The following SH2D4B variants were observed in gnomAD, a reference collection of about 807,000 sequenced individuals.
SH2D4B encodes the protein SH2 domain-containing protein 4B.
SH2D4B carries 45 observed loss-of-function variants against 61.5 expected under a neutral mutation model. The observed-to-expected ratio is 0.73, with a 90% CI of 0.58 to 0.94. The LOEUF (loss-of-function observed/expected upper bound fraction) is 0.94. Ranked by LOEUF, SH2D4B falls within the 40% of genes least tolerant of loss-of-function variation. The pLI is 0.00. For synonymous variants in SH2D4B, 224 were observed against 220.4 expected (o/e 1.02, Z -0.14); for missense variants, 572 against 574.2 (o/e 1.00, Z 0.04).
intron 3 of SH2D4B, among the ~76,000 whole-genome samples, chr10:80,576,599 G>C (rs1020918815): frequency 1.3e-5 from 2 of 152,160 alleles, no homozygotes; most frequent in Non-Finnish European, 2.9e-5. Flanking sequence ...TTAAGCCTAG[G>C]CTAAAACATG....
intron 1 of SH2D4B, among the ~76,000 whole-genome samples, chr10:80,555,487 C>T (rs772644619): frequency 6.6e-5 from 10 of 152,198 alleles, no homozygotes; most frequent in Non-Finnish European, 1.3e-4. Context: ...CCTTCCATTT[C>T]CAAGATCCAT....
In SH2D4B at chr10:80,549,787, C is replaced by T. The variant is rs1042780346; in HGVS notation, c.184+11272C>T. Reference sequence around the variant, plus strand: ...CCCCATCTTTAGCACCAGTGCTTTCCGAAGCTGCACAACCTCGACTTACCA... The same window carrying T: ...CCCCATCTTTAGCACCAGTGCTTTCTGAAGCTGCACAACCTCGACTTACCA... On this transcript the variant is annotated intron_variant, in intron 1 of 7. Transcript: ENST00000646907. Among the ~76,000 whole-genome samples, 13 of 152,220 alleles carry T rather than the reference C, an allele frequency of 8.5e-5. No individual in the cohort carries two copies. The South Asian group carries it at 1.0e-3, about 12-fold the overall frequency.
At position 80,603,799 on chromosome 10, in the gene SH2D4B, G is replaced by A; in HGVS notation, c.860+4G>A. 1 of 1,606,356 alleles carries A rather than the reference G, an allele frequency of 6.2e-7. No individual in the cohort carries two copies. Among genetic ancestry groups the A allele is most frequent in the Non-Finnish European group, 8.5e-7 (1 of 1,177,974 alleles). ...AGCCCCTTGCCCTGCCGGTCAGGTG[G>A]GTCCAGGCTCCGTGTTGGTGTGGTT... On this transcript the variant is annotated splice_donor_region_variant and intron_variant, in intron 5 of 7. Transcript: ENST00000646907.
intron 3 of SH2D4B, among the ~76,000 whole-genome samples, chr10:80,586,356 G>A (rs561622457): frequency 1.6e-4 from 24 of 152,338 alleles, no homozygotes; most frequent in Admixed American, 5.2e-4. Flanking sequence ...TGGGGACTTG[G>A]AGAACCTTTA....
chr10:80,616,118 C>T (rs181205227), intron 6 of SH2D4B, among the ~76,000 whole-genome samples: 71 of 152,148 alleles, frequency 4.7e-4, no homozygotes, highest in African/African-American at 1.6e-3. Flanking sequence ...AAAAAAAGTG[C>T]AAGTCTGAAT....
In SH2D4B at chr10:80,611,574, C is replaced by G. The variant is rs571670147; in HGVS notation, c.988+2023C>G. Among the ~76,000 whole-genome samples the G allele has an allele frequency of 2.6e-5, 4 of 152,274 alleles. No homozygotes were observed. The East Asian group carries it at 7.7e-4, about 29-fold the overall frequency. On this transcript the variant is annotated intron_variant, in intron 6 of 7. Transcript: ENST00000646907. The stretch of plus-strand genomic sequence containing the variant: ...TGTCCCTGTAGCCCCGGTAGAACTT[C>G]CATTTAAGTCACCACTGTGCTTTTT...
At chr10:80,572,987 T>TGTA (rs1491317353) in intron 3 of SH2D4B, among the ~76,000 whole-genome samples, 4 of 4,548 alleles carry the variant, frequency 8.8e-4, no homozygotes, top group Admixed American at 3.4e-3. Context: ...TATATATATA[T>TGTA]TTTTTTTTTT....
rs185985581 is a variant in SH2D4B at position 80,578,129 on chromosome 10, C to G, written c.495+6551C>G. 3.2e-3 allele frequency among the ~76,000 whole-genome samples: 484 copies of G among 152,170 alleles called. 3 individuals are homozygous for G. The highest frequency in any genetic ancestry group is 0.011 in the African/African-American group (471 of 41,504). ...GGGACTACAGGGATGCACCACCATA[C>G]CTGGCTAATTTTTGTATTTTTTGTA... On this transcript the variant is annotated intron_variant, in intron 3 of 7. Transcript: ENST00000646907.
In SH2D4B at chr10:80,609,412, C is replaced by T. The variant is rs752285695; in HGVS notation, c.861-12C>T. 5.6e-6 allele frequency: 9 copies of T among 1,609,242 alleles called. No individual in the cohort carries two copies. The highest frequency in any genetic ancestry group is 6.8e-6 in the Non-Finnish European group (8 of 1,176,782). On this transcript the variant is annotated splice_polypyrimidine_tract_variant and intron_variant, in intron 5 of 7. Coordinates refer to ENST00000646907, the MANE Select transcript of SH2D4B (RefSeq NM_001388272.1). ...CTGACTCTTCTGCCCTCCCCACTTTCTTTCTCTTCAGCAGGACCTGGGAGC... is the reference window on the plus strand; with the variant it reads ...CTGACTCTTCTGCCCTCCCCACTTTTTTTCTCTTCAGCAGGACCTGGGAGC...
chr10:80,594,630 AT>A (rs1388789385), intron 4 of SH2D4B, among the ~76,000 whole-genome samples: 2 of 152,028 alleles, frequency 1.3e-5, no homozygotes, highest in African/African-American at 2.4e-5. Context: ...CTTTACGGGA[AT>A]TTTTTTTGAT....
intron 7 of SH2D4B, among the ~76,000 whole-genome samples, chr10:80,636,515 T>C (rs573224885): frequency 6.6e-6 from 1 of 152,354 alleles, no homozygotes; most frequent in African/African-American, 2.4e-5. Flanking sequence ...TGGTATCTCA[T>C]TGTGGTTTTG....
chr10:80,640,979 G>A (rs1840285725), intron 7 of SH2D4B, among the ~76,000 whole-genome samples: 1 of 152,150 alleles, frequency 6.6e-6, no homozygotes, highest in African/African-American at 2.4e-5. Flanking sequence ...GTTTTGGTGT[G>A]GATGTCCTTT....
At chr10:80,588,563 T>G (rs934761919) in intron 3 of SH2D4B, 67 bp from the exon 4 acceptor site, 1 of 1,583,972 alleles carries the variant, frequency 6.3e-7, no homozygotes, top group East Asian at 2.2e-5. Context: ...ATCCCAGAGA[T>G]ATTTCTTTCT....
chr10:80,629,083 T>C (rs923856740), intron 6 of SH2D4B, among the ~76,000 whole-genome samples: 10 of 150,798 alleles, frequency 6.6e-5, no homozygotes, highest in Admixed American at 2.0e-4. Flanking sequence ...AACTTACTAA[T>C]ATATAGAAAA....
intron 1 of SH2D4B, among the ~76,000 whole-genome samples, chr10:80,558,743 A>C (rs1841868538): frequency 6.6e-6 from 1 of 152,096 alleles, no homozygotes. Context: ...GGGCTCAAGC[A>C]ATCTGTCCAA....
intron 6 of SH2D4B, among the ~76,000 whole-genome samples, chr10:80,623,103 C>T (rs528116512): frequency 1.3e-5 from 2 of 152,260 alleles, no homozygotes; most frequent in African/African-American, 4.8e-5. Flanking sequence ...TTAGTAGAGA[C>T]GGCGTTTTGC....
intron 6 of SH2D4B, among the ~76,000 whole-genome samples, chr10:80,612,397 T>C (rs944272742): frequency 6.6e-6 from 1 of 152,056 alleles, no homozygotes; most frequent in Non-Finnish European, 1.5e-5. Flanking sequence ...TCCCTGGGCT[T>C]GGTTGGGCGT....
chr10:80,553,173 C>T lies in SH2D4B; in HGVS notation c.184+14658C>T, dbSNP rs187100908. Among the ~76,000 whole-genome samples the T allele has an allele frequency of 2.9e-3, 437 of 152,340 alleles. 2 individuals carry two copies. Among genetic ancestry groups the T allele is most frequent in the Non-Finnish European group, 4.5e-3 (304 of 68,038 alleles). ...CCTCAGGTGATCCACCCACCATGGC[C>T]TCCCAAAGTGTTGGGATTACAGGTG... On this transcript the variant is annotated intron_variant, in intron 1 of 7. Transcript: ENST00000646907.
At chr10:80,584,255 C>T (rs7909966) in intron 3 of SH2D4B, among the ~76,000 whole-genome samples, 41,733 of 151,712 alleles carry the variant, frequency 0.28, 6,751 homozygotes, top group African/African-American at 0.45. Context: ...GAGAGGTGTG[C>T]CATTTGTAGG....
Sources: allele counts gnomAD v4.1 joint callset (sites outside exome capture counted in the v4.1 genomes callset), GRCh38; gene constraint gnomAD v4.1.1; transcripts MANE v1.5; gene names NCBI Gene and HGNC (gene_info 2026-07-23, HGNC 2026-07-21).